Variants in PCDH15 observed in about 807,000 individuals in gnomAD.
PCDH15 encodes protocadherin related 15.
A neutral mutation model predicts 178.5 loss-of-function variants in PCDH15; 129 were observed. The observed-to-expected ratio is 0.72, with a 90% CI of 0.63 to 0.84. The LOEUF is 0.84. Ranked by LOEUF, PCDH15 falls within the 40% of genes least tolerant of loss-of-function variation. The pLI, the probability that PCDH15 is intolerant of heterozygous loss-of-function variation, is 0.00. For missense variants in PCDH15, 2,230 were observed against 2,099.9 expected (o/e 1.06, Z -1.21); for synonymous variants, 800 against 732.0 (o/e 1.09, Z -1.50).
intron 15 of PCDH15, among the ~76,000 whole-genome samples, chr10:54,107,454 C>T (rs1876323): frequency 0.42 from 63,197 of 152,060 alleles, 13,890 homozygotes; most frequent in East Asian, 0.74. Context: ...GGGGGAGGAA[C>T]ATGCAGTAGT....
At chr10:55,428,186 A>G (rs888312612) in intron 2 of PCDH15, among the ~76,000 whole-genome samples, 2 of 152,018 alleles carry the variant, frequency 1.3e-5, no homozygotes, top group Non-Finnish European at 2.9e-5. Context: ...GGTCAAATAT[A>G]TTAATGTGTT....
chr10:54,621,853 A>G (rs2134443412), intron 2 of PCDH15, among the ~76,000 whole-genome samples: 1 of 152,162 alleles, frequency 6.6e-6, no homozygotes, highest in East Asian at 1.9e-4. Flanking sequence ...ATGAAACGGT[A>G]TTTGTCAGCG....
chr10:54,231,482 G>A (rs1451465196), intron 9 of PCDH15, among the ~76,000 whole-genome samples: 1 of 152,252 alleles, frequency 6.6e-6, no homozygotes, highest in Non-Finnish European at 1.5e-5. Flanking sequence ...AGTGTGGAAG[G>A]GAAATGTGAG....
chr10:54,072,414 A>G (rs1426489167), intron 17 of PCDH15, among the ~76,000 whole-genome samples: 1 of 152,168 alleles, frequency 6.6e-6, no homozygotes, highest in Non-Finnish European at 1.5e-5. Flanking sequence ...CCTTCCTACC[A>G]TTAAAGATTA....
In PCDH15 at chr10:54,274,129, G is replaced by A. The variant is rs544461590; in HGVS notation, c.877-37198C>T. ...AGAGTGGGGGACAGCACACACTGGG[G>A]CTTTTTGGAGGGTGGAGAGTTGGAG... On this transcript the variant is annotated intron_variant, in intron 8 of 37. Transcript: ENST00000644397. Among the ~76,000 whole-genome samples, 12 of 152,024 alleles carry A rather than the reference G, an allele frequency of 7.9e-5. No individual in the cohort carries two copies. The South Asian group carries it at 1.7e-3, about 21-fold the overall frequency.
intron 35 of PCDH15, among the ~76,000 whole-genome samples, chr10:53,812,177 C>G (rs188410510): frequency 1.3e-5 from 2 of 152,116 alleles, no homozygotes; most frequent in Admixed American, 1.3e-4. Context: ...TTAAAACATA[C>G]TGCTGATTCT....
At chr10:53,817,054 G>A (rs2076083777) in intron 34 of PCDH15, among the ~76,000 whole-genome samples, 1 of 152,168 alleles carries the variant, frequency 6.6e-6, no homozygotes, top group Non-Finnish European at 1.5e-5. Context: ...TTGGAAAAGT[G>A]GGTAGTGAGG....
At chr10:54,966,665 T>C (rs1838799855) in intron 2 of PCDH15, among the ~76,000 whole-genome samples, 1 of 152,090 alleles carries the variant, frequency 6.6e-6, no homozygotes, top group South Asian at 2.1e-4. Context: ...GGGCAGTTTC[T>C]CCCATACTGT....
chr10:54,072,391 G>C (rs2094261559), intron 17 of PCDH15, among the ~76,000 whole-genome samples: 1 of 152,176 alleles, frequency 6.6e-6, no homozygotes, highest in Admixed American at 6.6e-5. Flanking sequence ...CATTCATGAT[G>C]TAGAGTGGAG....
chr10:54,325,336 G>A (rs371202031), intron 7 of PCDH15, among the ~76,000 whole-genome samples: 3 of 151,960 alleles, frequency 2.0e-5, no homozygotes, highest in African/African-American at 7.3e-5. Context: ...TATTCTTTTA[G>A]AGGCCATATA....
intron 2 of PCDH15, among the ~76,000 whole-genome samples, chr10:55,600,248 C>T (rs1211598653): frequency 6.6e-6 from 1 of 151,946 alleles, no homozygotes; most frequent in Non-Finnish European, 1.5e-5. Flanking sequence ...CCTGTAGTCC[C>T]AGCTACCCAG....
chr10:55,216,516 T>C (rs1006055070), intron 1 of PCDH15, among the ~76,000 whole-genome samples: 1 of 151,856 alleles, frequency 6.6e-6, no homozygotes, highest in Non-Finnish European at 1.5e-5. Context: ...AAATAAGTTC[T>C]GGTGTTCCAT....
intron 1 of PCDH15, among the ~76,000 whole-genome samples, chr10:55,198,178 G>T (rs1840146128): frequency 6.6e-6 from 1 of 152,042 alleles, no homozygotes; most frequent in Admixed American, 6.5e-5. Context: ...ATAATTTTTT[G>T]CAGTTGCTCT....
At chr10:54,731,563 T>TATACACACACAC in intron 1 of PCDH15, among the ~76,000 whole-genome samples, 3 of 49,932 alleles carry the variant, frequency 6.0e-5, no homozygotes, top group African/African-American at 1.9e-4. Context: ...TATATATATA[T>TATACACACACAC]ACACACACAC....
chr10:54,162,495 G>T (rs1481417385), intron 13 of PCDH15, among the ~76,000 whole-genome samples: 3 of 152,118 alleles, frequency 2.0e-5, no homozygotes, highest in African/African-American at 7.2e-5. Context: ...AATATAGAAT[G>T]GAGAGCACAC....
intron 3 of PCDH15, among the ~76,000 whole-genome samples, chr10:54,873,048 G>A (rs1416872581): frequency 9.2e-5 from 14 of 152,008 alleles, no homozygotes; most frequent in East Asian, 1.9e-4. Flanking sequence ...TACAGGTGAC[G>A]AATTCCATAA....
At chr10:54,744,712 T>C (rs1448595108) in intron 1 of PCDH15, among the ~76,000 whole-genome samples, 1 of 152,164 alleles carries the variant, frequency 6.6e-6, no homozygotes, top group Non-Finnish European at 1.5e-5. Context: ...GAATTTGTAT[T>C]TTAAGAAAAA....
intron 21 of PCDH15, among the ~76,000 whole-genome samples, chr10:53,978,377 G>A (rs1343992989): frequency 6.6e-6 from 1 of 152,146 alleles, no homozygotes; most frequent in Non-Finnish European, 1.5e-5. Context: ...ATCTTCTGAA[G>A]CGATGGCCTG....
intron 1 of PCDH15, among the ~76,000 whole-genome samples, chr10:55,170,108 AT>A (rs1839293152): frequency 6.6e-6 from 1 of 151,942 alleles, no homozygotes; most frequent in Non-Finnish European, 1.5e-5. Context: ...ACCTACTTGA[AT>A]TTTGAATGTT....
Sources: allele counts gnomAD v4.1 joint callset (sites outside exome capture counted in the v4.1 genomes callset), GRCh38; gene constraint gnomAD v4.1.1; transcripts MANE v1.5; gene names NCBI Gene and HGNC (gene_info 2026-07-23, HGNC 2026-07-21).